FAT2: variants seen among roughly 807,000 people sequenced by gnomAD.
FAT2 encodes FAT atypical cadherin 2.
FAT2 carries 150 observed loss-of-function variants against 295.3 expected under a neutral mutation model. That is an observed-to-expected ratio of 0.51 (90% CI 0.44 to 0.58). The LOEUF (loss-of-function observed/expected upper bound fraction) is 0.58, where lower values mean the gene tolerates loss of function less well. FAT2 is among the 20% of genes least tolerant of loss of function. FAT2 has a pLI of 0.00. For missense variants in FAT2, 4,868 were observed against 5,442.7 expected, an observed-to-expected ratio of 0.89 and a Z score of 3.32; for synonymous variants, 2,026 against 2,150.3, an observed-to-expected ratio of 0.94 and a Z score of 1.60.
At position 151,545,538 on chromosome 5, in the gene FAT2, T is replaced by C. The variant is rs1756536368; in HGVS notation, c.5589A>G (p.Arg1863=). Residue 1863 remains arginine, a synonymous_variant, in exon 10 of 24, where the codon AGA becomes AGG. Transcript: ENST00000261800. ...ATCTGGGAGGGGAATCATTCACATCTCTGACATGAATGATGACTTGGGCAG... is the reference window on the plus strand; with the variant it reads ...ATCTGGGAGGGGAATCATTCACATCCCTGACATGAATGATGACTTGGGCAG... ...PRPAQVIIHV[R]DVNDSPPRFS... is the part of the protein sequence containing the mutation. 6.2e-7 allele frequency: 1 copy of C among 1,614,012 alleles called. No homozygotes were observed. Among genetic ancestry groups the C allele is most frequent in the African/African-American group, 1.3e-5 (1 of 74,918 alleles).
chr5:151,582,302 G>GT (rs1276988847), intron 1 of FAT2, among the ~76,000 whole-genome samples: 1 of 152,216 alleles, frequency 6.6e-6, no homozygotes, highest in African/African-American at 2.4e-5. Flanking sequence ...CTTAGCCAAG[G>GT]TAACTGCTCC....
chr5:151,566,048 A>G lies in FAT2; in HGVS notation c.2884T>C (p.Tyr962His). 1.2e-6 allele frequency: 2 copies of G among 1,614,092 alleles called. No homozygotes were observed. Among genetic ancestry groups the G allele is most frequent in the Middle Eastern group, 1.6e-4 (1 of 6,062 alleles). Residue 962 changes from tyrosine (Y) to histidine (H), a missense_variant, in exon 2 of 24, where the codon TAT becomes CAT. Coordinates refer to ENST00000261800, the MANE Select transcript of FAT2 (RefSeq NM_001447.3). ...PDLGPAGEVR[Y>H]VLMDGAHGTF... Reference sequence around the variant, plus strand: ...CCATGGGCGCCATCCATCAGAACATATCGCACTTCACCTGCGGGGCCCAGG... The same window carrying G: ...CCATGGGCGCCATCCATCAGAACATGTCGCACTTCACCTGCGGGGCCCAGG...
chr5:151,586,342 A>G (rs1387374859), intron 1 of FAT2, among the ~76,000 whole-genome samples: 1 of 152,234 alleles, frequency 6.6e-6, no homozygotes, highest in Non-Finnish European at 1.5e-5. Flanking sequence ...CAGCGGAAGG[A>G]TAGATGGCAT....
At position 151,528,003 on chromosome 5, in the gene FAT2, C is replaced by G. The variant is rs61738800; in HGVS notation, c.10157G>C (p.Arg3386Pro). 12 of 1,613,868 alleles carry G rather than the reference C, an allele frequency of 7.4e-6. No individual in the cohort carries two copies. Among genetic ancestry groups the G allele is most frequent in the Non-Finnish European group, 8.5e-7 (1 of 1,179,990 alleles). ...GELQVAKALD[R>P]EQASSYSLKL... The stretch of plus-strand genomic sequence containing the variant: ...CCCTCCCACATGACTCACCTGTTCC[C>G]GGTCCAGGGCCTTGGCCACCTGTAG... The change falls in exon 16 of 24, where the codon CGG (arginine) becomes CCG (proline). Residue 3386 changes from arginine to proline, a missense_variant. Arg to Pro is a moderately radical substitution (Grantham distance 103, BLOSUM62 -2). This residue lies in a region of FAT2 where 1,046 missense variants were observed against 1,210.1 expected (regional missense o/e 0.86). Transcript: ENST00000261800.
intron 2 of FAT2, among the ~76,000 whole-genome samples, chr5:151,564,812 C>A (rs1465166091): frequency 1.3e-5 from 2 of 152,190 alleles, no homozygotes; most frequent in East Asian, 3.8e-4. Context: ...GTGGCTCATG[C>A]CTGTAGTCCT....
intron 3 of FAT2, among the ~76,000 whole-genome samples, chr5:151,562,793 T>C (rs1300386319): frequency 6.6e-6 from 1 of 152,208 alleles, no homozygotes; most frequent in East Asian, 1.9e-4. Context: ...TCTGGATTTC[T>C]CCCAACCATC....
chr5:151,567,294 C>T lies in FAT2; in HGVS notation c.1638G>A (p.Lys546=), dbSNP rs1410142747. 1.9e-6 allele frequency: 3 copies of T among 1,614,084 alleles called. No homozygotes were observed. In the Admixed American group the frequency reaches 5.0e-5, roughly 27 times the overall value. The part of the protein sequence containing the change: ...SDWGSPFRRE[K]EVSIFLQLRN... ...TGAGCTGAAGAAAAATGGACACTTC[C>T]TTCTCCCGGCGAAAAGGGGATCCCC... is the stretch of plus-strand genomic sequence containing the variant. The change falls in exon 2 of 24, where the codon AAG becomes AAA. Residue 546 remains lysine, a synonymous_variant. Transcript: ENST00000261800.
chr5:151,562,234 A>G (rs1336944368), intron 3 of FAT2, among the ~76,000 whole-genome samples: 1 of 152,178 alleles, frequency 6.6e-6, no homozygotes, highest in Non-Finnish European at 1.5e-5. Context: ...TTAAGAATAA[A>G]GGGACTGCCC....
chr5:151,522,388 T>G (rs1753562843), intron 18 of FAT2, among the ~76,000 whole-genome samples: 1 of 152,220 alleles, frequency 6.6e-6, no homozygotes, highest in Non-Finnish European at 1.5e-5. Context: ...TCTCCAGCCA[T>G]AGACTTGGGC....
chr5:151,586,635 C>G (rs887906178), intron 1 of FAT2, among the ~76,000 whole-genome samples: 1 of 152,104 alleles, frequency 6.6e-6, no homozygotes, highest in Admixed American at 6.5e-5. Context: ...TCTACCTAGC[C>G]AAAGCACTCT....
At chr5:151,540,476 C>G in intron 11 of FAT2, 91 bp downstream of exon 11, 1 of 1,175,582 alleles carries the variant, frequency 8.5e-7, no homozygotes, top group African/African-American at 1.5e-5. Flanking sequence ...CCTCAATCTC[C>G]CTTCTCCTGC....
chr5:151,589,426 G>C (rs1207975752), intron 1 of FAT2, among the ~76,000 whole-genome samples: 1 of 152,200 alleles, frequency 6.6e-6, no homozygotes, highest in Non-Finnish European at 1.5e-5. Context: ...CAGGCTAGCT[G>C]ACATCATGGA....
chr5:151,591,477 T>C (rs1415071861), upstream of FAT2, among the ~76,000 whole-genome samples: 1 of 152,030 alleles, frequency 6.6e-6, no homozygotes, highest in East Asian at 1.9e-4. Flanking sequence ...AATCAAGTCA[T>C]GGAAAATGAA....
chr5:151,512,567 C>G lies in FAT2; in HGVS notation c.11503G>C (p.Gly3835Arg). 1 of 1,613,708 alleles carries G rather than the reference C, an allele frequency of 6.2e-7. No homozygotes were observed. The highest frequency in any genetic ancestry group is 8.5e-7 in the Non-Finnish European group (1 of 1,179,830). The change falls in exon 21 of 24, where the codon GGT becomes CGT. Residue 3835 changes from glycine to arginine, a missense_variant. Physicochemically the swap from Gly to Arg is moderately radical, Grantham distance 125. Around this residue, in one of 5 missense-constraint regions of FAT2, gnomAD observed 1,046 missense variants for 1,210.1 expected, o/e 0.86. Transcript: ENST00000261800. The surrounding 1 kb of genome is among the most constrained non-coding windows in gnomAD (Gnocchi z 4.1). ...GVPQLEYHCL[G>R]GFYGNLSSQR... ...GAGGAAAGGTTTCCATAGAAACCAC[C>G]CAGACAGTGGTATTCCAGCTGGGGC...
chr5:151,517,469 C>T, intron 20 of FAT2, 151 bp downstream of exon 20: 1 of 945,926 alleles, frequency 1.1e-6, no homozygotes, highest in Non-Finnish European at 1.6e-6. Context: ...ACAGGATAAT[C>T]ATGTGGCCCA....
upstream of FAT2, among the ~76,000 whole-genome samples, chr5:151,594,229 T>A (rs1196529217): frequency 1.3e-5 from 2 of 152,250 alleles, no homozygotes; most frequent in South Asian, 4.2e-4. Context: ...ACCCAGCATT[T>A]TGTGCACTGC....
intron 1 of FAT2, among the ~76,000 whole-genome samples, chr5:151,575,110 T>G (rs1758695957): frequency 1.3e-5 from 2 of 152,214 alleles, no homozygotes; most frequent in Non-Finnish European, 2.9e-5. Flanking sequence ...GAGGCCATCT[T>G]AGGGGATTTG....
Position 151,529,332 on chromosome 5 carries a change from A to G in FAT2, c.9872T>C (p.Ile3291Thr). Reference sequence around the variant, plus strand: ...AGAGGAGCTCTTCCGGCTGCACTCAATGGACAGGAAGTACTTGGGGCTTGT... The same window carrying G: ...AGAGGAGCTCTTCCGGCTGCACTCAGTGGACAGGAAGTACTTGGGGCTTGT... The part of the protein sequence containing the change: ...FETSPKYFLS[I>T]ECSRKSSSSL... The change falls in exon 15 of 24, where the codon ATT (isoleucine) becomes ACT (threonine). Residue 3291 changes from isoleucine to threonine, a missense_variant. Coordinates refer to ENST00000261800, the MANE Select transcript of FAT2 (RefSeq NM_001447.3). 1 of 1,614,118 alleles carries G rather than the reference A, an allele frequency of 6.2e-7. No individual in the cohort carries two copies. The highest frequency in any genetic ancestry group is 8.5e-7 in the Non-Finnish European group (1 of 1,180,012).
chr5:151,507,478 C>T lies in FAT2; in HGVS notation c.12193G>A (p.Gly4065Arg), dbSNP rs747769250. 7 of 1,613,980 alleles carry T rather than the reference C, an allele frequency of 4.3e-6. No homozygotes were observed. Among genetic ancestry groups the T allele is most frequent in the Middle Eastern group, 1.6e-4 (1 of 6,084 alleles). The change falls in exon 23 of 24, where the codon GGG (glycine) becomes AGG (arginine). Residue 4065 changes from glycine to arginine, a missense_variant. This residue lies in a region of FAT2 where 492 missense variants were observed against 482.6 expected (regional missense o/e 1.02). Coordinates refer to ENST00000261800, the MANE Select transcript of FAT2 (RefSeq NM_001447.3). Reference sequence around the variant, plus strand: ...CAACGGCGGCAGTAGAAGAGAAGCCCGACAGTGCTTATGATAATGAACGCC... The same window carrying T: ...CAACGGCGGCAGTAGAAGAGAAGCCTGACAGTGCTTATGATAATGAACGCC... ...AVAFIIISTV[G>R]LLFYCRRCKS...
Sources: gnomAD v4.1 joint callset for allele counts (sites outside exome capture counted in the v4.1 genomes callset) on GRCh38, gnomAD v4.1.1 for gene constraint, gnomAD v4.1.1 regional missense constraint, Gnocchi (gnomAD v3.1) non-coding constraint, MANE v1.5 for transcripts, NCBI Gene and HGNC (gene_info 2026-07-23, HGNC 2026-07-21) for gene names.